ZNF131: variants seen among roughly 807,000 people sequenced by gnomAD.
ZNF131 encodes the protein zinc finger protein 131.
In ZNF131, 7 loss-of-function variants were observed where a neutral mutation model predicts 60.0. That is an observed-to-expected ratio of 0.12 (90% CI 0.07 to 0.22). ZNF131 has a LOEUF of 0.22. ZNF131 is among the 10% of genes least tolerant of loss of function. ZNF131 has a pLI of 1.00. For synonymous variants in ZNF131, 257 were observed against 253.2 expected (o/e 1.01, Z -0.14); for missense variants, 493 against 740.9 (o/e 0.67, Z 3.88).
intron 3 of ZNF131, among the ~76,000 whole-genome samples, chr5:43,133,250 G>A (rs1745596294): frequency 6.6e-6 from 1 of 152,094 alleles, no homozygotes. Flanking sequence ...CGGATCATGA[G>A]GTCAGGAGGT....
intron 3 of ZNF131, chr5:43,125,060 A>G (rs1289646789): frequency 6.6e-6 from 1 of 151,842 alleles, no homozygotes; most frequent in Non-Finnish European, 1.5e-5. Flanking sequence ...AGTTTATCAT[A>G]TTGAATATCT....
intron 4 of ZNF131, among the ~76,000 whole-genome samples, chr5:43,147,620 A>G (rs991129687): frequency 2.7e-5 from 4 of 150,842 alleles, no homozygotes; most frequent in African/African-American, 2.4e-5. Flanking sequence ...TGGGGTTTCA[A>G]CATCTTGGCC....
At chr5:43,166,696 C>T (rs1324431070) in intron 5 of ZNF131, among the ~76,000 whole-genome samples, 2 of 151,800 alleles carry the variant, frequency 1.3e-5, no homozygotes, top group Non-Finnish European at 2.9e-5. Flanking sequence ...CGCTCTGTCG[C>T]CCAGACTGGA....
chr5:43,122,006 A>T, intron 1 of ZNF131, 33 bp from the exon 2 acceptor site: 2 of 1,601,358 alleles, frequency 1.2e-6, no homozygotes, highest in Non-Finnish European at 1.7e-6. Flanking sequence ...GCTCGAGCTC[A>T]TGGGTGTACA....
In ZNF131 at chr5:43,130,263, C is replaced by CAAAAAAAAAAAAAAA. The variant is rs765959932; in HGVS notation, c.226+6953_226+6954insAAAAAAAAAAAAAAA. ...TGAGCGATAGAGTAAGACTCTGTCT[C>CAAAAAAAAAAAAAAA]CAAAAAAAAAAAAAAAAAAGAGGAA... is the stretch of plus-strand genomic sequence containing the variant. On this transcript the variant is annotated intron_variant, in intron 3 of 6. Transcript: ENST00000682664. Among the ~76,000 whole-genome samples the CAAAAAAAAAAAAAAA allele has an allele frequency of 1.7e-3, 57 of 33,124 alleles. 5 individuals are homozygous for CAAAAAAAAAAAAAAA. The highest frequency in any genetic ancestry group is 3.9e-3 in the Admixed American group (9 of 2,326). The allele number at this position is 33,124 out of a possible 152,430, so 21.7% of individuals were successfully genotyped here.
chr5:43,144,441 G>A (rs1747326473), intron 4 of ZNF131, among the ~76,000 whole-genome samples: 1 of 151,744 alleles, frequency 6.6e-6, no homozygotes, highest in African/African-American at 2.4e-5. Context: ...TGTTGGCCAA[G>A]CTGGTCTTGA....
chr5:43,128,535 T>C (rs1744855714), intron 3 of ZNF131, among the ~76,000 whole-genome samples: 1 of 151,744 alleles, frequency 6.6e-6, no homozygotes, highest in Non-Finnish European at 1.5e-5. Flanking sequence ...TGGGCACCTG[T>C]AGTCCCAGCT....
chr5:43,165,949 A>G (rs554090925), intron 5 of ZNF131, among the ~76,000 whole-genome samples: 6 of 152,376 alleles, frequency 3.9e-5, no homozygotes, highest in South Asian at 2.1e-4. Context: ...CTGCACCAGC[A>G]TGTGCTGCTT....
At chr5:43,143,147 C>T (rs527623230) in intron 4 of ZNF131, among the ~76,000 whole-genome samples, 5 of 151,864 alleles carry the variant, frequency 3.3e-5, no homozygotes, top group South Asian at 2.1e-4. Context: ...CTCAATCTCC[C>T]GAGTAGCTGG....
intron 4 of ZNF131, chr5:43,143,269 C>G: frequency 1.5e-6 from 1 of 652,442 alleles, no homozygotes; most frequent in Non-Finnish European, 2.1e-6. Flanking sequence ...GATCTGCCCG[C>G]CTCTGCCTCC....
chr5:43,138,943 C>G (rs558612113), intron 3 of ZNF131, among the ~76,000 whole-genome samples: 53 of 152,238 alleles, frequency 3.5e-4, no homozygotes, highest in African/African-American at 1.2e-3. Context: ...TTACTGTTCT[C>G]CAAGAGCCTC....
At chr5:43,142,491 A>G (rs1412889239) in intron 4 of ZNF131, among the ~76,000 whole-genome samples, 1 of 151,522 alleles carries the variant, frequency 6.6e-6, no homozygotes, top group Non-Finnish European at 1.5e-5. Context: ...TTTTTAATAG[A>G]GAGGGTGTTT....
chr5:43,122,779 A>G (rs957301890), intron 2 of ZNF131, among the ~76,000 whole-genome samples: 2 of 152,208 alleles, frequency 1.3e-5, no homozygotes, highest in African/African-American at 2.4e-5. Context: ...GCTTCCAAAT[A>G]TTAGGCATAT....
chr5:43,131,270 T>A (rs1395345004), intron 3 of ZNF131, among the ~76,000 whole-genome samples: 1 of 152,048 alleles, frequency 6.6e-6, no homozygotes, highest in Non-Finnish European at 1.5e-5. Flanking sequence ...CCTCGCAGGT[T>A]CAAGCGATTG....
intron 4 of ZNF131, among the ~76,000 whole-genome samples, chr5:43,146,557 T>C (rs1037494882): frequency 6.6e-6 from 1 of 152,004 alleles, no homozygotes; most frequent in African/African-American, 2.4e-5. Context: ...ATTGCGCCAC[T>C]GCACTCCAGC....
intron 4 of ZNF131, among the ~76,000 whole-genome samples, chr5:43,154,813 C>T (rs924178369): frequency 5.3e-5 from 8 of 151,570 alleles, no homozygotes; most frequent in Non-Finnish European, 1.0e-4. Context: ...CAGATAATTC[C>T]GGCAACAGCT....
Position 43,175,122 on chromosome 5 carries a change from GT to G in ZNF131, c.1865del (p.Leu622Ter), listed in dbSNP as rs766484320. On this transcript the variant is annotated frameshift_variant, in exon 7 of 7. Transcript: ENST00000682664. LOFTEE classifies it high-confidence loss of function. Reference protein sequence around the residue: ...AENEDRTALPVLE With the variant: ...AENEDRTALPXLE The stretch of plus-strand genomic sequence containing the variant: ...GAATGAGGACAGAACAGCTCTGCCA[GT>G]TTTAGAATGAAATTACACATGAATA... 1.2e-6 allele frequency: 2 copies of G among 1,603,804 alleles called. No individual in the cohort carries two copies. Among genetic ancestry groups the G allele is most frequent in the South Asian group, 2.2e-5 (2 of 89,260 alleles).
intron 3 of ZNF131, among the ~76,000 whole-genome samples, chr5:43,128,592 G>T (rs934505212): frequency 6.8e-6 from 1 of 146,158 alleles, no homozygotes; most frequent in African/African-American, 2.5e-5. Flanking sequence ...GGGAGGCGGA[G>T]CTTGCAGTGA....
intron 4 of ZNF131, among the ~76,000 whole-genome samples, chr5:43,153,463 T>TAAAAAAAAAAAA: frequency 1.6e-5 from 1 of 61,164 alleles, no homozygotes; most frequent in Non-Finnish European, 2.8e-5. Context: ...CCATCTCTAC[T>TAAAAAAAAAAAA]AAAAAAAAAA....
Sources: allele counts gnomAD v4.1 joint callset (sites outside exome capture counted in the v4.1 genomes callset), GRCh38; gene constraint gnomAD v4.1.1; transcripts MANE v1.5; gene names NCBI Gene and HGNC (gene_info 2026-07-23, HGNC 2026-07-21).